APEH: variants seen among roughly 807,000 people sequenced by gnomAD.
APEH encodes acylamino-acid-releasing enzyme.
APEH carries 75 observed loss-of-function variants against 102.7 expected under a neutral mutation model. That is an observed-to-expected ratio of 0.73 (90% CI 0.61 to 0.89). APEH has a LOEUF of 0.89. APEH is among the 40% of genes least tolerant of loss of function. The pLI is 0.00. For missense variants in APEH, 863 were observed against 941.2 expected, an observed-to-expected ratio of 0.92 and a Z score of 1.09; for synonymous variants, 344 against 362.7, an observed-to-expected ratio of 0.95 and a Z score of 0.59.
At chr3:49,681,700 G>A in intron 15 of APEH, 22 bp from the exon 16 acceptor site, 1 of 1,544,498 alleles carries the variant, frequency 6.5e-7, no homozygotes, top group East Asian at 2.3e-5. Context: ...TCACCCTGCT[G>A]ACTGCTGCCC....
intron 15 of APEH, 55 bp downstream of exon 15, chr3:49,681,294 C>T: frequency 6.8e-7 from 1 of 1,478,458 alleles, no homozygotes; most frequent in African/African-American, 1.4e-5. Flanking sequence ...AGCACAAAGC[C>T]TCTGCGGTGA....
In APEH at chr3:49,676,372, T is replaced by C; in HGVS notation, c.607-6T>C. The C allele has an allele frequency of 6.2e-7, 1 of 1,614,168 alleles. No individual in the cohort carries two copies. Among genetic ancestry groups the C allele is most frequent in the Non-Finnish European group, 8.5e-7 (1 of 1,180,032 alleles). On this transcript the variant is annotated splice_region_variant and splice_polypyrimidine_tract_variant and intron_variant, in intron 6 of 21. Transcript: ENST00000296456. Reference sequence around the variant, plus strand: ...AGGCTGGGCATTGAGTATCTTGTGTTCTCAGGGGGATCAGTTTGTGTTTTA... The same window carrying C: ...AGGCTGGGCATTGAGTATCTTGTGTCCTCAGGGGGATCAGTTTGTGTTTTA...
At chr3:49,674,205 C>T (rs1011005067), upstream of APEH, 4 of 683,894 alleles carry the variant, frequency 5.8e-6, no homozygotes, top group Non-Finnish European at 9.4e-6. Context: ...GGACTTCTCG[C>T]TCCCAGGCCG....
intron 13 of APEH, chr3:49,680,193 T>C (rs2053254668): frequency 2.9e-6 from 1 of 343,566 alleles, no homozygotes; most frequent in Non-Finnish European, 5.6e-6. Flanking sequence ...GTACAACTGC[T>C]TGGACACCAC....
chr3:49,675,664 A>C, intron 3 of APEH, 30 bp from the exon 4 acceptor site: 6 of 1,587,332 alleles, frequency 3.8e-6, no homozygotes, highest in Non-Finnish European at 5.2e-6. Context: ...TTGCAAGATA[A>C]TCCTGACCTG....
chr3:49,683,444 T>G lies in APEH; in HGVS notation c.*102T>G. The G allele has an allele frequency of 1.0e-6, 1 of 982,560 alleles. No individual in the cohort carries two copies. The highest frequency in any genetic ancestry group is 1.6e-6 in the Non-Finnish European group (1 of 616,812). The allele number at this position is 982,560 out of a possible 1,614,324, so 60.9% of individuals were successfully genotyped here. A position where few individuals can be genotyped will look rare whatever the true frequency, so the allele number is the denominator to read the frequency against. Reference sequence around the variant, plus strand: ...GCAGGAGGCTTTCTGGGCTCTGGACTCCACGGATGCGTGGGCAGAGGAATG... The same window carrying G: ...GCAGGAGGCTTTCTGGGCTCTGGACGCCACGGATGCGTGGGCAGAGGAATG... On this transcript the variant is annotated 3_prime_UTR_variant, in exon 22 of 22. Transcript: ENST00000296456.
At position 49,675,306 on chromosome 3, in the gene APEH, G is replaced by A. The variant is rs1452661525; in HGVS notation, c.269G>A (p.Gly90Glu). ...GCAGGCAACAGTGTGGAGACCCGGG[G>A]GGAGTAAGTTTGAGGGAGGAAGCTT... The part of the protein sequence containing the change: ...GPAGNSVETR[G>E]ELLSRESPSG... The change falls in exon 3 of 22, where the codon GGG becomes GAG. Residue 90 changes from glycine to glutamate, a missense_variant. By Grantham distance (98) the Gly-to-Glu change is moderately conservative. Coordinates refer to ENST00000296456, the MANE Select transcript of APEH (RefSeq NM_001640.4). The A allele has an allele frequency of 1.9e-6, 3 of 1,613,614 alleles. No homozygotes were observed. Among genetic ancestry groups the A allele is most frequent in the Admixed American group, 3.3e-5 (2 of 59,952 alleles).
chr3:49,682,202 T>A, intron 17 of APEH, 146 bp from the exon 18 acceptor site: 1 of 948,910 alleles, frequency 1.1e-6, no homozygotes. Flanking sequence ...GGTGGCAGCC[T>A]CAAATCTCTG....
At chr3:49,680,765 A>G (rs1307811594) in intron 14 of APEH, 136 bp downstream of exon 14, 3 of 818,752 alleles carry the variant, frequency 3.7e-6, no homozygotes, top group Admixed American at 2.2e-5. Context: ...CCAGCTTGGC[A>G]TGGTCCATGA....
chr3:49,678,993 C>T (rs780094382), intron 12 of APEH, 44 bp downstream of exon 12: 28 of 1,521,530 alleles, frequency 1.8e-5, no homozygotes, highest in South Asian at 5.6e-5. Flanking sequence ...CTGTGGTCAA[C>T]CCCCAGGAGC....
Position 49,674,524 on chromosome 3 carries a change from G to C in APEH, c.48G>C (p.Leu16=). 6.4e-7 allele frequency: 1 copy of C among 1,568,638 alleles called. No individual in the cohort carries two copies. The highest frequency in any genetic ancestry group is 1.3e-5 in the African/African-American group (1 of 74,704). ...LLSEPEEAAA[L]YRGLSRQPAL... ...GCGAGCCCGAGGAGGCGGCGGCTCT[G>C]TATCGGGGCCTTAGCCGCCAGCCCG... Residue 16 remains leucine (L), a synonymous_variant, in exon 2 of 22, where the codon CTG becomes CTC. Transcript: ENST00000296456.
At position 49,683,902 on chromosome 3, in the gene APEH, G is replaced by A. The variant is rs536215574; in HGVS notation, c.*560G>A. 25 of 1,431,238 alleles carry A rather than the reference G, an allele frequency of 1.7e-5. No individual in the cohort carries two copies. The highest frequency in any genetic ancestry group is 2.3e-5 in the Non-Finnish European group (24 of 1,060,512). The allele number at this position is 1,431,238 out of a possible 1,614,324, so 88.7% of individuals were successfully genotyped here. A position where few individuals can be genotyped will look rare whatever the true frequency, so the allele number is the denominator to read the frequency against. On this transcript the variant is annotated 3_prime_UTR_variant, in exon 22 of 22. Coordinates refer to ENST00000296456, the MANE Select transcript of APEH (RefSeq NM_001640.4). ...CTCAAGCCACCCGAGCCCTAGCAAG[G>A]AGTCACTGACACATTTCCTGGAAGC...
intron 6 of APEH, 66 bp downstream of exon 6, chr3:49,676,285 T>A: frequency 6.2e-7 from 1 of 1,611,370 alleles, no homozygotes; most frequent in Non-Finnish European, 8.5e-7. Flanking sequence ...TCCCTTCCCA[T>A]ACTGTGCCTG....
chr3:49,673,697 G>A (rs2052874928), upstream of APEH, among the ~76,000 whole-genome samples: 1 of 152,138 alleles, frequency 6.6e-6, no homozygotes, highest in South Asian at 2.1e-4. Context: ...CTGGCACTGT[G>A]TAGTGAATGT....
Position 49,676,491 on chromosome 3 carries a change from C to G in APEH, c.720C>G (p.Val240=). 6.2e-7 allele frequency: 1 copy of G among 1,614,228 alleles called. No homozygotes were observed. The highest frequency in any genetic ancestry group is 8.5e-7 in the Non-Finnish European group (1 of 1,180,034). Reference sequence around the variant, plus strand: ...GCAACATCTCTGTGCTTGAGGGGGTCCCTGAGAATGTGTCCCCTGGACAGG... The same window carrying G: ...GCAACATCTCTGTGCTTGAGGGGGTGCCTGAGAATGTGTCCCCTGGACAGG... The part of the protein sequence containing the change: ...ESGNISVLEG[V]PENVSPGQAF... The change falls in exon 7 of 22, where the codon GTC becomes GTG. Residue 240 remains valine (V), a synonymous_variant. Transcript: ENST00000296456.
rs1464760000 is a variant in APEH at position 49,682,376 on chromosome 3, C to T, written c.1632C>T (p.Gly544=). ...ACTATCGTGGCTCCACGGGCTTTGGCCAGGACAGCATCCTCTCCCTCCCAG... is the reference window on the plus strand; with the variant it reads ...ACTATCGTGGCTCCACGGGCTTTGGTCAGGACAGCATCCTCTCCCTCCCAG... ...LVNYRGSTGF[G]QDSILSLPGN... Residue 544 remains glycine (G), a synonymous_variant, in exon 18 of 22, where the codon GGC becomes GGT. Coordinates refer to ENST00000296456, the MANE Select transcript of APEH (RefSeq NM_001640.4). 6.2e-7 allele frequency: 1 copy of T among 1,613,646 alleles called. No individual in the cohort carries two copies. Among genetic ancestry groups the T allele is most frequent in the African/African-American group, 1.3e-5 (1 of 74,926 alleles).
rs2053408106 is a variant in APEH at position 49,682,824 on chromosome 3, A to G, written c.1884-19A>G. 5 of 1,613,944 alleles carry G rather than the reference A, an allele frequency of 3.1e-6. No homozygotes were observed. Among genetic ancestry groups the G allele is most frequent in the Non-Finnish European group, 4.2e-6 (5 of 1,179,956 alleles). On this transcript the variant is annotated intron_variant, in intron 19 of 21. Coordinates refer to ENST00000296456, the MANE Select transcript of APEH (RefSeq NM_001640.4). The stretch of plus-strand genomic sequence containing the variant: ...TAGCCCCAGAATTCCTGGGGCTGCA[A>G]CAGCTCGGTGTCTTGCAGGTGCGTG...
rs777115493 is a variant in APEH at position 49,679,581 on chromosome 3, C to T, written c.1159-12C>T. ...GGATGTGGTCGCACCTGTGGCCTTGCCTCTGCTTCAGGACCTGTTTGCTGT... is the reference window on the plus strand; with the variant it reads ...GGATGTGGTCGCACCTGTGGCCTTGTCTCTGCTTCAGGACCTGTTTGCTGT... On this transcript the variant is annotated splice_polypyrimidine_tract_variant and intron_variant, in intron 12 of 21. Transcript: ENST00000296456. The surrounding 1 kb of genome is among the most constrained non-coding windows in gnomAD (Gnocchi z 4.3). The T allele has an allele frequency of 3.7e-6, 6 of 1,613,754 alleles. No homozygotes were observed. Among genetic ancestry groups the T allele is most frequent in the South Asian group, 1.1e-5 (1 of 91,070 alleles).
intron 2 of APEH, 64 bp from the exon 3 acceptor site, chr3:49,675,119 G>A: frequency 1.2e-6 from 2 of 1,607,304 alleles, no homozygotes; most frequent in South Asian, 1.1e-5. Context: ...GGGTCAGGTG[G>A]GGCTGGGGGC....
Sources: gnomAD v4.1 joint callset for allele counts (sites outside exome capture counted in the v4.1 genomes callset) on GRCh38, gnomAD v4.1.1 for gene constraint, Gnocchi (gnomAD v3.1) non-coding constraint, MANE v1.5 for transcripts, NCBI Gene and HGNC (gene_info 2026-07-23, HGNC 2026-07-21) for gene names.